Variants in CDH18 observed in about 807,000 individuals in gnomAD.
CDH18 encodes the protein cadherin-18.
CDH18 carries 31 observed loss-of-function variants against 67.9 expected under a neutral mutation model. The ratio of observed to expected loss-of-function variants is 0.46; its 90% CI spans 0.34 to 0.62. The LOEUF (loss-of-function observed/expected upper bound fraction) is 0.62. CDH18 is among the 20% of genes least tolerant of loss of function. The pLI is 0.01. For synonymous variants in CDH18, 362 were observed against 347.2 expected (o/e 1.04, Z -0.48); for missense variants, 890 against 975.5 (o/e 0.91, Z 1.17).
At chr5:19,486,195 C>A (rs1032842950) in intron 11 of CDH18, among the ~76,000 whole-genome samples, 1 of 150,882 alleles carries the variant, frequency 6.6e-6, no homozygotes, top group African/African-American at 2.4e-5. Flanking sequence ...CTCACCGGAA[C>A]AGTACAAAAT....
intron 2 of CDH18, among the ~76,000 whole-genome samples, chr5:19,932,023 C>G (rs1170229630): frequency 1.3e-5 from 2 of 151,818 alleles, no homozygotes; most frequent in Non-Finnish European, 2.9e-5. Flanking sequence ...TTTCACTCCA[C>G]TAAAGTACAT....
chr5:19,655,067 C>T (rs76227593), intron 5 of CDH18, among the ~76,000 whole-genome samples: 154 of 152,228 alleles, frequency 1.0e-3, no homozygotes, highest in African/African-American at 3.1e-3. Flanking sequence ...AATGCCAGTT[C>T]GCACTTAGCG....
chr5:19,810,060 T>G (rs951495821), intron 3 of CDH18, among the ~76,000 whole-genome samples: 12 of 152,076 alleles, frequency 7.9e-5, no homozygotes, highest in African/African-American at 2.9e-4. Flanking sequence ...CCTGGTGAGG[T>G]GGCTCCTGCC....
At chr5:20,322,728 A>C (rs1426369876) in intron 1 of CDH18, among the ~76,000 whole-genome samples, 2 of 152,174 alleles carry the variant, frequency 1.3e-5, no homozygotes, top group Non-Finnish European at 2.9e-5. Context: ...TCTTCAAAGA[A>C]GACAATGAAT....
intron 1 of CDH18, among the ~76,000 whole-genome samples, chr5:20,407,572 C>T (rs75596022): frequency 1.4e-5 from 2 of 147,444 alleles, no homozygotes; most frequent in Non-Finnish European, 3.0e-5. Context: ...ATAAAAAGGA[C>T]CAAACCGAAA....
intron 10 of CDH18, among the ~76,000 whole-genome samples, chr5:19,518,951 G>A (rs1396386362): frequency 1.3e-5 from 2 of 152,094 alleles, no homozygotes; most frequent in African/African-American, 4.8e-5. Flanking sequence ...TATAATTTTA[G>A]TAACAAATAG....
intron 9 of CDH18, among the ~76,000 whole-genome samples, chr5:19,529,247 T>A (rs1185410932): frequency 6.6e-6 from 1 of 151,930 alleles, no homozygotes; most frequent in Non-Finnish European, 1.5e-5. Flanking sequence ...ACTGCACACA[T>A]TCAATACACA....
chr5:20,541,008 A>G (rs532856693), intron 1 of CDH18, among the ~76,000 whole-genome samples: 1 of 152,324 alleles, frequency 6.6e-6, no homozygotes, highest in Non-Finnish European at 1.5e-5. Context: ...TTGATTTCAC[A>G]TTATGGCCAT....
intron 2 of CDH18, among the ~76,000 whole-genome samples, chr5:19,918,144 T>C (rs1348914177): frequency 1.3e-5 from 2 of 152,212 alleles, no homozygotes; most frequent in East Asian, 1.9e-4. Context: ...TCAACACTTA[T>C]GTACATCGTG....
intron 1 of CDH18, among the ~76,000 whole-genome samples, chr5:20,516,812 T>A (rs541939449): frequency 3.3e-5 from 5 of 152,044 alleles, no homozygotes; most frequent in Non-Finnish European, 2.9e-5. Context: ...GTAGGACTTC[T>A]TAACTTTGGA....
chr5:20,527,767 A>C (rs1756157471), intron 1 of CDH18, among the ~76,000 whole-genome samples: 1 of 152,144 alleles, frequency 6.6e-6, no homozygotes, highest in South Asian at 2.1e-4. Context: ...AAAGCACTAA[A>C]CATAGAAAGG....
intron 8 of CDH18, among the ~76,000 whole-genome samples, chr5:19,548,989 A>G (rs1031446656): frequency 1.1e-4 from 16 of 152,084 alleles, no homozygotes; most frequent in African/African-American, 3.4e-4. Context: ...CCCTCAGGTG[A>G]TCCGCCTGCC....
chr5:20,276,534 C>T (rs892058027), intron 1 of CDH18, among the ~76,000 whole-genome samples: 2 of 152,158 alleles, frequency 1.3e-5, no homozygotes, highest in African/African-American at 4.8e-5. Flanking sequence ...TAGTCAGAAT[C>T]AACAGCCAAG....
intron 2 of CDH18, among the ~76,000 whole-genome samples, chr5:20,137,331 T>C (rs1749817324): frequency 6.6e-6 from 1 of 152,134 alleles, no homozygotes; most frequent in South Asian, 2.1e-4. Flanking sequence ...TTTCATTCAT[T>C]TGATGTTCAA....
intron 10 of CDH18, among the ~76,000 whole-genome samples, chr5:19,510,734 A>C (rs561647118): frequency 1.3e-5 from 2 of 152,090 alleles, no homozygotes; most frequent in Non-Finnish European, 2.9e-5. Context: ...ACCTGGAGAG[A>C]CCAGGTGGAG....
At chr5:19,595,568 G>A (rs1746040096) in intron 6 of CDH18, among the ~76,000 whole-genome samples, 1 of 152,192 alleles carries the variant, frequency 6.6e-6, no homozygotes, top group Non-Finnish European at 1.5e-5. Flanking sequence ...AGGTTGCAGT[G>A]AGCCGACGTT....
At chr5:20,221,472 T>C (rs551547463) in intron 2 of CDH18, among the ~76,000 whole-genome samples, 1 of 152,130 alleles carries the variant, frequency 6.6e-6, no homozygotes, top group African/African-American at 2.4e-5. Flanking sequence ...CTAGGAAGTG[T>C]AGCGCGGGGT....
intron 1 of CDH18, among the ~76,000 whole-genome samples, chr5:20,354,167 C>T (rs1021714274): frequency 9.2e-5 from 14 of 152,088 alleles, no homozygotes; most frequent in Admixed American, 4.6e-4. Context: ...ATAAATAATA[C>T]ATTAAAAAGA....
chr5:20,045,922 C>T (rs1177749018), intron 2 of CDH18, among the ~76,000 whole-genome samples: 2 of 151,990 alleles, frequency 1.3e-5, no homozygotes, highest in Non-Finnish European at 2.9e-5. Context: ...GAAAAATAAA[C>T]GCTGGTTATT....
Sources: allele counts gnomAD v4.1 joint callset (sites outside exome capture counted in the v4.1 genomes callset), GRCh38; gene constraint gnomAD v4.1.1; transcripts MANE v1.5; gene names NCBI Gene and HGNC (gene_info 2026-07-23, HGNC 2026-07-21).